The following NRXN3 variants were observed in gnomAD, a reference collection of about 807,000 sequenced individuals.
The protein encoded by NRXN3 is neurexin 3.
In NRXN3, 32 loss-of-function variants were observed where a neutral mutation model predicts 137.6. The ratio of observed to expected loss-of-function variants is 0.23; its 90% CI spans 0.18 to 0.31. The LOEUF (loss-of-function observed/expected upper bound fraction) is 0.31, where lower values mean the gene tolerates loss of function less well. Among genes scored for constraint, NRXN3 ranks in the 10% least tolerant of loss-of-function variants. NRXN3 has a pLI of 1.00. For missense variants in NRXN3, 1,574 were observed against 2,062.5 expected (o/e 0.76, Z 4.59); for synonymous variants, 798 against 784.5 (o/e 1.02, Z -0.29).
chr14:79,039,950 T>G (rs772567049), intron 15 of NRXN3, among the ~76,000 whole-genome samples: 1 of 152,156 alleles, frequency 6.6e-6, no homozygotes, highest in Non-Finnish European at 1.5e-5. Context: ...ATGATCTTCC[T>G]GCCTCAGCCT....
intron 10 of NRXN3, among the ~76,000 whole-genome samples, chr14:78,934,084 C>G (rs1273101651): frequency 6.7e-6 from 1 of 148,812 alleles, no homozygotes; most frequent in African/African-American, 2.5e-5. Context: ...TTGAGCTTAC[C>G]TTAGTTGGGT....
chr14:79,547,618 GT>G (rs1567462559), intron 16 of NRXN3, among the ~76,000 whole-genome samples: 1 of 152,140 alleles, frequency 6.6e-6, no homozygotes, highest in Non-Finnish European at 1.5e-5. Flanking sequence ...GCAGAGGCCA[GT>G]TTTACTGCAT....
At chr14:79,766,928 A>G (rs969385361) in intron 19 of NRXN3, among the ~76,000 whole-genome samples, 1 of 152,194 alleles carries the variant, frequency 6.6e-6, no homozygotes, top group African/African-American at 2.4e-5. Flanking sequence ...GCTGAGGAGT[A>G]ACAAGAAATA....
At chr14:79,652,386 C>T (rs1416507263) in intron 16 of NRXN3, among the ~76,000 whole-genome samples, 2 of 150,894 alleles carry the variant, frequency 1.3e-5, no homozygotes, top group African/African-American at 5.0e-5. Flanking sequence ...TATGAGTTCA[C>T]TATAAACTCA....
At chr14:79,713,983 G>A (rs2098815109) in intron 19 of NRXN3, among the ~76,000 whole-genome samples, 1 of 152,054 alleles carries the variant, frequency 6.6e-6, no homozygotes, top group Admixed American at 6.5e-5. Context: ...ATCCTACAGT[G>A]TTTGGTGATA....
In NRXN3 at chr14:79,477,755, C is replaced by T. The variant is rs567878233; in HGVS notation, c.3444+10353C>T. ...TCTTGAGTAAGTGTTTCTAGAGAAACGTCTTTAAAGACTTATTCTATGATG... is the reference window on the plus strand; with the variant it reads ...TCTTGAGTAAGTGTTTCTAGAGAAATGTCTTTAAAGACTTATTCTATGATG... On this transcript the variant is annotated intron_variant, in intron 16 of 20. Transcript: ENST00000335750. Among the ~76,000 whole-genome samples, 5 of 151,916 alleles carry T rather than the reference C, an allele frequency of 3.3e-5. No individual in the cohort carries two copies. In the East Asian group the frequency reaches 5.8e-4, roughly 18 times the overall value.
At chr14:78,578,628 C>T (rs2096960722) in intron 4 of NRXN3, among the ~76,000 whole-genome samples, 1 of 152,150 alleles carries the variant, frequency 6.6e-6, no homozygotes, top group South Asian at 2.1e-4. Flanking sequence ...TGATGAGAAG[C>T]AGAAAACCTG....
chr14:79,838,346 A>G (rs557501358), intron 20 of NRXN3, among the ~76,000 whole-genome samples: 26 of 152,352 alleles, frequency 1.7e-4, no homozygotes, highest in African/African-American at 5.8e-4. Context: ...GTGTGAACAC[A>G]TTAAACTTAC....
rs184709817 is a variant in NRXN3 at position 78,822,623 on chromosome 14, C to T, written c.2275+12279C>T. Among the ~76,000 whole-genome samples, 438 of 150,832 alleles carry T rather than the reference C, an allele frequency of 2.9e-3. 1 individual carries two copies. The highest frequency in any genetic ancestry group is 6.9e-3 in the Middle Eastern group (2 of 290). On this transcript the variant is annotated intron_variant, in intron 10 of 20. Coordinates refer to ENST00000335750, the MANE Select transcript of NRXN3 (RefSeq NM_001330195.2). Reference sequence around the variant, plus strand: ...CTGGGAGGTGGAGGTTACAGTGAGCCGAGATCGTGCCACTGGACTCCAGCC... The same window carrying T: ...CTGGGAGGTGGAGGTTACAGTGAGCTGAGATCGTGCCACTGGACTCCAGCC...
At chr14:79,419,629 G>A (rs934124879) in intron 15 of NRXN3, among the ~76,000 whole-genome samples, 5 of 151,966 alleles carry the variant, frequency 3.3e-5, no homozygotes, top group African/African-American at 9.7e-5. Flanking sequence ...GAAAGGGAGG[G>A]GAGAGAAGGA....
intron 10 of NRXN3, among the ~76,000 whole-genome samples, chr14:78,886,174 A>G (rs1419393020): frequency 6.6e-6 from 1 of 152,124 alleles, no homozygotes; most frequent in African/African-American, 2.4e-5. Flanking sequence ...AAGGAGCACA[A>G]ATATTTGGTG....
chr14:79,096,202 G>T (rs1484225203), intron 15 of NRXN3, among the ~76,000 whole-genome samples: 1 of 151,694 alleles, frequency 6.6e-6, no homozygotes, highest in Non-Finnish European at 1.5e-5. Flanking sequence ...CTGCCTCCCG[G>T]GTTCAAGCAG....
At position 79,421,754 on chromosome 14, in the gene NRXN3, T is replaced by A. The variant is rs2095578514; in HGVS notation, c.3263-45467T>A. 2.0e-5 allele frequency among the ~76,000 whole-genome samples: 3 copies of A among 152,230 alleles called. No individual in the cohort carries two copies. In the South Asian group the frequency reaches 6.2e-4, roughly 32 times the overall value. On this transcript the variant is annotated intron_variant, in intron 15 of 20. Transcript: ENST00000335750. ...GCAGGTGCAACATGGCATAAAAGTATTACTTGCCCCAATGCCACCTTTAAT... is the reference window on the plus strand; with the variant it reads ...GCAGGTGCAACATGGCATAAAAGTAATACTTGCCCCAATGCCACCTTTAAT...
At chr14:78,405,030 C>A (rs1248170156) in intron 4 of NRXN3, among the ~76,000 whole-genome samples, 3 of 152,152 alleles carry the variant, frequency 2.0e-5, no homozygotes, top group African/African-American at 7.2e-5. Flanking sequence ...ATAAAAATGA[C>A]AAAATATATA....
At chr14:78,534,150 T>C (rs2096506349) in intron 4 of NRXN3, among the ~76,000 whole-genome samples, 1 of 152,214 alleles carries the variant, frequency 6.6e-6, no homozygotes, top group African/African-American at 2.4e-5. Context: ...AAATGACTTC[T>C]AGAAAGTCTG....
chr14:78,496,844 G>A (rs944734922), intron 4 of NRXN3, among the ~76,000 whole-genome samples: 7 of 152,026 alleles, frequency 4.6e-5, no homozygotes, highest in African/African-American at 1.4e-4. Context: ...GGGAGCCAGA[G>A]CATAGTAGGT....
chr14:79,075,224 A>G (rs2045772056), intron 15 of NRXN3, among the ~76,000 whole-genome samples: 2 of 152,154 alleles, frequency 1.3e-5, no homozygotes, highest in African/African-American at 4.8e-5. Flanking sequence ...AGATTTTTAC[A>G]GAATAAAAAT....
intron 3 of NRXN3, 45 bp from the exon 4 acceptor site, chr14:78,297,786 C>A: frequency 7.4e-7 from 1 of 1,353,788 alleles, no homozygotes; most frequent in Non-Finnish European, 1.0e-6. Flanking sequence ...TTTTTCCTTA[C>A]CCTTCCCCAC....
chr14:79,113,634 A>C (rs902387489), intron 15 of NRXN3, among the ~76,000 whole-genome samples: 3 of 152,162 alleles, frequency 2.0e-5, no homozygotes, highest in African/African-American at 7.2e-5. Context: ...TCTGGAATAC[A>C]TCCCAGTTTG....
Sources: gnomAD v4.1 joint callset for allele counts (sites outside exome capture counted in the v4.1 genomes callset) on GRCh38, gnomAD v4.1.1 for gene constraint, MANE v1.5 for transcripts, NCBI Gene and HGNC (gene_info 2026-07-23, HGNC 2026-07-21) for gene names.